Variants in OGFOD3 observed in about 807,000 individuals in gnomAD.
OGFOD3 encodes the protein 2-oxoglutarate and iron dependent oxygenase domain containing 3.
OGFOD3 carries 35 observed loss-of-function variants against 39.8 expected under a neutral mutation model. The observed-to-expected ratio is 0.88, with a 90% CI of 0.67 to 1.17. The LOEUF (loss-of-function observed/expected upper bound fraction) is 1.17. Among genes scored for constraint, OGFOD3 ranks in the 50% most tolerant of loss-of-function variants. The pLI, the probability that OGFOD3 is intolerant of heterozygous loss-of-function variation, is 0.00. For missense variants in OGFOD3, 438 were observed against 454.5 expected (o/e 0.96, Z 0.33); for synonymous variants, 200 against 192.0 (o/e 1.04, Z -0.34).
At chr17:82,398,023 A>G (rs1215451195) in intron 8 of OGFOD3, among the ~76,000 whole-genome samples, 173 bp downstream of exon 8, 1 of 151,952 alleles carries the variant, frequency 6.6e-6, no homozygotes, top group East Asian at 1.9e-4. Context: ...CCCCGTAGAC[A>G]CCAGCCTCCT....
chr17:82,405,896 C>T (rs1178301014), intron 5 of OGFOD3, among the ~76,000 whole-genome samples: 1 of 152,014 alleles, frequency 6.6e-6, no homozygotes, highest in Non-Finnish European at 1.5e-5. Context: ...TCAAATGAGT[C>T]GAAATTGCGC....
Position 82,411,326 on chromosome 17 carries a change from C to A in OGFOD3, c.380+129G>T, listed in dbSNP as rs886129749. On this transcript the variant is annotated intron_variant, in intron 3 of 8. Transcript: ENST00000313056. ...CCTCCCCAAGTGCTGGGATTACAGGCGTGAGCCACCACGCCTGGCAATAAA... is the reference window on the plus strand; with the variant it reads ...CCTCCCCAAGTGCTGGGATTACAGGAGTGAGCCACCACGCCTGGCAATAAA... 4.6e-5 allele frequency: 36 copies of A among 789,650 alleles called. No homozygotes were observed. The African/African-American group carries it at 5.0e-4, about 11-fold the overall frequency. 48.9% of individuals were successfully genotyped at this position (789,650 alleles called of 1,614,324 possible). A position where few individuals can be genotyped will look rare whatever the true frequency, so the allele number is the denominator to read the frequency against.
chr17:82,415,627 G>A lies in OGFOD3; in HGVS notation c.75C>T (p.Ser25=). ...CCCGCGGGGCTCGGTCCTTCTTGGT[G>A]CTGAGAACAGAAAACAGGCCACGTC... The part of the protein sequence containing the change: ...NGAAERRNRS[S]TKKDRAPREV... The change falls in exon 2 of 9, where the codon AGC becomes AGT. Residue 25 remains serine (S), a splice_region_variant and synonymous_variant. Transcript: ENST00000313056. This position sits in a 1 kb window ranked among gnomAD's most constrained non-coding sequence, Gnocchi z 5.3. The A allele has an allele frequency of 6.2e-7, 1 of 1,607,412 alleles. No individual in the cohort carries two copies. Among genetic ancestry groups the A allele is most frequent in the Non-Finnish European group, 8.5e-7 (1 of 1,176,010 alleles).
In OGFOD3 at chr17:82,403,939, T is replaced by G. The variant is rs1294119275; in HGVS notation, c.697A>C (p.Lys233Gln). 1 of 1,602,518 alleles carries G rather than the reference T, an allele frequency of 6.2e-7. No homozygotes were observed. Among genetic ancestry groups the G allele is most frequent in the African/African-American group, 1.3e-5 (1 of 74,916 alleles). The change falls in exon 7 of 9, where the codon AAG becomes CAG. Residue 233 changes from lysine (K) to glutamine (Q), a missense_variant and splice_region_variant. By Grantham distance (53) the Lys-to-Gln change is moderately conservative (BLOSUM62 1). Transcript: ENST00000313056. ...ACCCTGCCCACGGGCGCGCTCACCT[T>G]GTCCACGTGCGCATGCCAGTACTCG... is the stretch of plus-strand genomic sequence containing the variant. ...HDEYWHAHVD[K>Q]VTYGSFDYTS... is the part of the protein sequence containing the mutation.
chr17:82,395,544 G>A (rs987238340), intron 8 of OGFOD3, among the ~76,000 whole-genome samples: 1 of 152,198 alleles, frequency 6.6e-6, no homozygotes, highest in African/African-American at 2.4e-5. Context: ...CGACACGGCC[G>A]GGCGTGGTGG....
At position 82,392,238 on chromosome 17, in the gene OGFOD3, T is replaced by C; in HGVS notation, c.*160A>G. ...AGAAGTGAAAAGCTGGTTCCCTTCA[T>C]TTACTCACAGATGAAAAGATTAACA... On this transcript the variant is annotated 3_prime_UTR_variant, in exon 9 of 9. Transcript: ENST00000313056. This position sits in a 1 kb window ranked among gnomAD's most constrained non-coding sequence, Gnocchi z 4.2. 1.2e-6 allele frequency: 1 copy of C among 818,940 alleles called. No individual in the cohort carries two copies. The highest frequency in any genetic ancestry group is 1.9e-6 in the Non-Finnish European group (1 of 533,432). 50.7% of individuals were successfully genotyped at this position (818,940 alleles called of 1,614,324 possible). A position where few individuals can be genotyped will look rare whatever the true frequency, so the allele number is the denominator to read the frequency against.
chr17:82,403,451 G>A (rs555782103), intron 7 of OGFOD3, among the ~76,000 whole-genome samples: 2 of 152,238 alleles, frequency 1.3e-5, no homozygotes, highest in East Asian at 3.9e-4. Context: ...GGCCAACATG[G>A]TGAAACCTCG....
At chr17:82,408,597 C>T (rs1599699059) in intron 4 of OGFOD3, among the ~76,000 whole-genome samples, 1 of 152,082 alleles carries the variant, frequency 6.6e-6, no homozygotes, top group Non-Finnish European at 1.5e-5. Flanking sequence ...GTGGGAGGGG[C>T]CCTGCTCCCT....
At chr17:82,403,208 G>A (rs1334844169) in intron 7 of OGFOD3, among the ~76,000 whole-genome samples, 1 of 152,122 alleles carries the variant, frequency 6.6e-6, no homozygotes, top group East Asian at 1.9e-4. Flanking sequence ...AATAACAATG[G>A]GGTAACCACA....
intron 7 of OGFOD3, among the ~76,000 whole-genome samples, chr17:82,403,360 G>A (rs2052796548): frequency 6.6e-6 from 1 of 151,992 alleles, no homozygotes. Context: ...CACCGGGCAT[G>A]GTGGCTCACA....
At chr17:82,412,393 TG>T (rs1477893021) in intron 2 of OGFOD3, among the ~76,000 whole-genome samples, 25 of 30,754 alleles carry the variant, frequency 8.1e-4, no homozygotes, top group African/African-American at 3.0e-3. Flanking sequence ...GGCAGGGGCA[TG>T]GTTATCGGGG....
At chr17:82,409,573 T>C (rs112176293) in intron 3 of OGFOD3, among the ~76,000 whole-genome samples, 163 bp from the exon 4 acceptor site, 19 of 152,334 alleles carry the variant, frequency 1.2e-4, no homozygotes, top group African/African-American at 4.6e-4. Flanking sequence ...ACTTTCAAAG[T>C]TCAGTGCGTA....
intron 3 of OGFOD3, among the ~76,000 whole-genome samples, chr17:82,410,712 T>A (rs983585097): frequency 2.4e-5 from 1 of 41,562 alleles, no homozygotes; most frequent in East Asian, 0.013. Context: ...ACATAATTCT[T>A]TTTTTTTTTT....
Position 82,403,945 on chromosome 17 carries a change from C to A in OGFOD3, c.691G>T (p.Val231Leu). ...TAHDEYWHAH[V>L]DKVTYGSFDY... ...CCCACGGGCGCGCTCACCTTGTCCA[C>A]GTGCGCATGCCAGTACTCGTCGTGC... The change falls in exon 7 of 9, where the codon GTG becomes TTG. Residue 231 changes from valine (V) to leucine (L), a missense_variant. Transcript: ENST00000313056. 7 of 1,603,758 alleles carry A rather than the reference C, an allele frequency of 4.4e-6. No individual in the cohort carries two copies. The highest frequency in any genetic ancestry group is 5.9e-6 in the Non-Finnish European group (7 of 1,176,744).
At chr17:82,394,272 G>A (rs988148279) in intron 8 of OGFOD3, 3 of 1,420,590 alleles carry the variant, frequency 2.1e-6, no homozygotes, top group African/African-American at 1.4e-5. Context: ...TTACAGGCGT[G>A]AGCCACCACG....
At position 82,398,207 on chromosome 17, in the gene OGFOD3, TCCA is replaced by T; in HGVS notation, c.809_811del (p.Val270del). ...CCCGCGCCTCCTACCAGCTCTCGGC[TCCA>T]CCGTCTTGTTGGCACCCTCCTCCAT... On this transcript the variant is annotated inframe_deletion, in exon 8 of 9. Coordinates refer to ENST00000313056, the MANE Select transcript of OGFOD3 (RefSeq NM_024648.3). The T allele has an allele frequency of 6.2e-7, 1 of 1,613,938 alleles. No homozygotes were observed. The highest frequency in any genetic ancestry group is 8.5e-7 in the Non-Finnish European group (1 of 1,179,968).
At chr17:82,403,354 G>A (rs115633134) in intron 7 of OGFOD3, among the ~76,000 whole-genome samples, 1,695 of 152,122 alleles carry the variant, frequency 0.011, 30 homozygotes, top group African/African-American at 0.037. Context: ...TACACCCACC[G>A]GGCATGGTGG....
intron 2 of OGFOD3, among the ~76,000 whole-genome samples, chr17:82,414,358 G>C (rs905126377): frequency 1.3e-5 from 2 of 152,182 alleles, no homozygotes; most frequent in African/African-American, 4.8e-5. Context: ...GTCTGGTCTT[G>C]AACTCTTGGC....
rs1393751516 is a variant in OGFOD3, at chr17:82,391,341, C to T, written c.*1057G>A. 1.3e-5 allele frequency: 2 copies of T among 152,338 alleles called. No homozygotes were observed. Among genetic ancestry groups the T allele is most frequent in the African/African-American group, 4.8e-5 (2 of 41,448 alleles). The allele number at this position is 152,338 out of a possible 1,614,324, so 9.4% of individuals were successfully genotyped here. ...GTCTATTCGGGGCTCCTCTGACCAC[C>T]ACTTTATTTTTATATTTTTAAGATG... On this transcript the variant is annotated 3_prime_UTR_variant, in exon 9 of 9. Transcript: ENST00000313056. The surrounding 1 kb of genome is among the most constrained non-coding windows in gnomAD (Gnocchi z 5.1).
Sources: gnomAD v4.1 joint callset for allele counts (sites outside exome capture counted in the v4.1 genomes callset) on GRCh38, gnomAD v4.1.1 for gene constraint, Gnocchi (gnomAD v3.1) non-coding constraint, MANE v1.5 for transcripts, NCBI Gene and HGNC (gene_info 2026-07-23, HGNC 2026-07-21) for gene names.